Variants in APP observed in about 807,000 individuals in gnomAD.
APP encodes amyloid-beta precursor protein.
Under a neutral mutation model 101.4 loss-of-function variants are expected in APP, and 31 were observed. That is an observed-to-expected ratio of 0.31 (90% CI 0.23 to 0.41). APP has a LOEUF of 0.41. Ranked by LOEUF, APP falls within the 10% of genes least tolerant of loss-of-function variation. APP has a pLI of 1.00. For synonymous variants in APP, 366 were observed against 364.4 expected, an observed-to-expected ratio of 1.00 and a Z score of -0.05; for missense variants, 839 against 1,003.7, an observed-to-expected ratio of 0.84 and a Z score of 2.22.
chr21:26,039,977 G>A (rs1486417296), intron 5 of APP, among the ~76,000 whole-genome samples: 3 of 152,098 alleles, frequency 2.0e-5, no homozygotes, highest in African/African-American at 7.2e-5. Context: ...GGGACCAGAA[G>A]TGTTTCAGAT....
chr21:25,926,643 C>G (rs1001147185), intron 13 of APP, among the ~76,000 whole-genome samples: 2 of 152,258 alleles, frequency 1.3e-5, no homozygotes, highest in Non-Finnish European at 2.9e-5. Flanking sequence ...GAAATCTGAA[C>G]CCAAGTATCC....
At chr21:25,914,601 T>G (rs1569048632) in intron 13 of APP, among the ~76,000 whole-genome samples, 1 of 142,336 alleles carries the variant, frequency 7.0e-6, no homozygotes, top group African/African-American at 2.8e-5. Flanking sequence ...TCGCCCAGGC[T>G]GGAGTGCAGT....
At chr21:26,059,359 C>A (rs2046174131) in intron 3 of APP, among the ~76,000 whole-genome samples, 1 of 152,254 alleles carries the variant, frequency 6.6e-6, no homozygotes, top group African/African-American at 2.4e-5. Context: ...CCTCATCTCT[C>A]AAGAGGTAAA....
chr21:26,028,008 A>C (rs1601255758), intron 5 of APP, among the ~76,000 whole-genome samples: 1 of 152,168 alleles, frequency 6.6e-6, no homozygotes, highest in Non-Finnish European at 1.5e-5. Context: ...CAGCCTGGCC[A>C]ACATAGTGAA....
chr21:26,043,183 T>C (rs1349299856), intron 5 of APP, among the ~76,000 whole-genome samples: 3 of 152,186 alleles, frequency 2.0e-5, no homozygotes, highest in Non-Finnish European at 4.4e-5. Flanking sequence ...CCTGATGCAA[T>C]TTTACTTAAT....
intron 2 of APP, among the ~76,000 whole-genome samples, chr21:26,104,916 A>G (rs1336639371): frequency 6.6e-6 from 1 of 152,192 alleles, no homozygotes; most frequent in Non-Finnish European, 1.5e-5. Flanking sequence ...CCTCAGACTT[A>G]GCCAGCTAGT....
intron 13 of APP, 112 bp from the exon 14 acceptor site, chr21:25,912,074 T>C (rs1032505031): frequency 1.2e-6 from 1 of 816,670 alleles, no homozygotes; most frequent in African/African-American, 1.7e-5. Flanking sequence ...TTCACGTGCA[T>C]GATCGCGTTT....
chr21:26,076,564 A>G (rs2061500537), intron 3 of APP, among the ~76,000 whole-genome samples: 1 of 152,230 alleles, frequency 6.6e-6, no homozygotes, highest in Non-Finnish European at 1.5e-5. Context: ...TTACACAGGG[A>G]AATTCAGCCC....
intron 3 of APP, among the ~76,000 whole-genome samples, chr21:26,084,499 G>A (rs987297030): frequency 3.4e-5 from 5 of 148,988 alleles, no homozygotes; most frequent in Non-Finnish European, 5.9e-5. Flanking sequence ...TCGGCCTCCC[G>A]AAGTTCTGGG....
At chr21:25,942,176 C>T (rs2040602185) in intron 13 of APP, 1 of 152,138 alleles carries the variant, frequency 6.6e-6, no homozygotes, top group South Asian at 2.1e-4. Flanking sequence ...TACTGAGGTA[C>T]AAATGCTAAA....
Position 26,170,670 on chromosome 21 carries a change from C to A in APP, c.-50G>T. The stretch of plus-strand genomic sequence containing the variant: ...TGCGCTGCTGTGCGAGTGGGATCCG[C>A]CGCGTCCTTGCTCTGCCCGCGCCGC... On this transcript the variant is annotated 5_prime_UTR_variant, in exon 1 of 18. Transcript: ENST00000346798. 6.6e-7 allele frequency: 1 copy of A among 1,509,704 alleles called. No individual in the cohort carries two copies. The highest frequency in any genetic ancestry group is 1.4e-5 in the African/African-American group (1 of 69,682). 93.5% of individuals were successfully genotyped at this position (1,509,704 alleles called of 1,614,324 possible).
chr21:25,885,834 A>G (rs902078070), intron 17 of APP, among the ~76,000 whole-genome samples: 1 of 152,038 alleles, frequency 6.6e-6, no homozygotes, highest in Non-Finnish European at 1.5e-5. Flanking sequence ...TTAGTCCTTC[A>G]CTGTATCCAG....
At chr21:25,884,854 C>T (rs917977156) in intron 17 of APP, among the ~76,000 whole-genome samples, 1 of 152,228 alleles carries the variant, frequency 6.6e-6, no homozygotes, top group Non-Finnish European at 1.5e-5. Context: ...CATTTGCATG[C>T]ATCAAGGGCA....
intron 11 of APP, among the ~76,000 whole-genome samples, chr21:25,974,512 C>A (rs1362792605): frequency 6.6e-6 from 1 of 152,092 alleles, no homozygotes; most frequent in East Asian, 1.9e-4. Flanking sequence ...TATGAGGATA[C>A]AGCAAAATAC....
intron 5 of APP, among the ~76,000 whole-genome samples, chr21:26,026,978 C>T (rs1161192161): frequency 1.3e-5 from 2 of 152,182 alleles, no homozygotes; most frequent in Non-Finnish European, 2.9e-5. Flanking sequence ...GTACCTTCTG[C>T]CTAATTTTGC....
At chr21:26,100,425 G>A (rs1222976840) in intron 2 of APP, among the ~76,000 whole-genome samples, 1 of 152,154 alleles carries the variant, frequency 6.6e-6, no homozygotes. Flanking sequence ...AAGGGTGAAG[G>A]GTGCCCATAG....
At chr21:25,963,639 G>A (rs1601044300) in intron 11 of APP, among the ~76,000 whole-genome samples, 1 of 152,148 alleles carries the variant, frequency 6.6e-6, no homozygotes, top group Non-Finnish European at 1.5e-5. Flanking sequence ...TTACACCCTG[G>A]ATTTCAAGAA....
rs148249661 is a variant in APP, at chr21:25,889,030, C to T, written c.2211+2692G>A. 5.3e-4 allele frequency among the ~76,000 whole-genome samples: 80 copies of T among 152,262 alleles called. No individual in the cohort carries two copies. In the East Asian group the frequency reaches 0.014, roughly 26 times the overall value. ...AGGTCTGAGGTAGGACCTGGTCTCA[C>T]GCACAGCCAGGGGAAGGAGCTCCAG... On this transcript the variant is annotated intron_variant, in intron 17 of 17. Transcript: ENST00000346798.
At chr21:26,157,639 C>G (rs1311462243) in intron 1 of APP, among the ~76,000 whole-genome samples, 1 of 152,186 alleles carries the variant, frequency 6.6e-6, no homozygotes, top group Admixed American at 6.5e-5. Context: ...ATCTTGATTT[C>G]AAAGCATACT....
Sources: allele counts gnomAD v4.1 joint callset (sites outside exome capture counted in the v4.1 genomes callset), GRCh38; gene constraint gnomAD v4.1.1; transcripts MANE v1.5; gene names NCBI Gene and HGNC (gene_info 2026-07-23, HGNC 2026-07-21).